QPRT: variants seen among roughly 807,000 people sequenced by gnomAD.
QPRT encodes nicotinate-nucleotide pyrophosphorylase [carboxylating].
In QPRT, 17 loss-of-function variants were observed where a neutral mutation model predicts 19.8. That is an observed-to-expected ratio of 0.86 (90% CI 0.59 to 1.29). QPRT has a LOEUF of 1.29. Ranked by LOEUF, QPRT falls within the 50% of genes most tolerant of loss-of-function variation. The pLI, the probability that QPRT is intolerant of heterozygous loss-of-function variation, is 0.00. For missense variants in QPRT, 336 were observed against 405.1 expected, an observed-to-expected ratio of 0.83 and a Z score of 1.46; for synonymous variants, 178 against 191.0, an observed-to-expected ratio of 0.93 and a Z score of 0.56.
At position 29,696,980 on chromosome 16, in the gene QPRT, C is replaced by A. The variant is rs775137678; in HGVS notation, c.550-16C>A. The A allele has an allele frequency of 1.3e-6, 2 of 1,587,752 alleles. No individual in the cohort carries two copies. The highest frequency in any genetic ancestry group is 3.4e-5 in the Admixed American group (2 of 58,340). ...TGGGCCCAGTCCTCACCCTTGTCCT[C>A]CCGGCTGCCCAGCAGGCGGTGCGGG... On this transcript the variant is annotated splice_polypyrimidine_tract_variant and intron_variant, in intron 2 of 3. Transcript: ENST00000395384.
chr16:29,694,061 T>G (rs1967434562), intron 1 of QPRT, among the ~76,000 whole-genome samples: 1 of 151,640 alleles, frequency 6.6e-6, no homozygotes, highest in Non-Finnish European at 1.5e-5. Flanking sequence ...GTGATCTGCC[T>G]GCCCCAGCCT....
At chr16:29,688,309 G>A (rs1567329600) in intron 1 of QPRT, among the ~76,000 whole-genome samples, 1 of 152,078 alleles carries the variant, frequency 6.6e-6, no homozygotes. Flanking sequence ...AGTGGAGAAT[G>A]AGGACCCCCA....
chr16:29,684,936 C>A (rs915801719), intron 1 of QPRT, among the ~76,000 whole-genome samples: 9 of 152,186 alleles, frequency 5.9e-5, no homozygotes, highest in Non-Finnish European at 7.4e-5. Flanking sequence ...CACGCCATGG[C>A]ACTCAGTGGG....
At chr16:29,695,825 G>C (rs1475736080) in intron 2 of QPRT, 1 of 148,034 alleles carries the variant, frequency 6.8e-6, no homozygotes, top group East Asian at 1.9e-4. Flanking sequence ...TTTGAGATGG[G>C]GTCTCACTAT....
intron 1 of QPRT, among the ~76,000 whole-genome samples, chr16:29,690,903 C>T (rs1156866447): frequency 6.6e-6 from 1 of 152,032 alleles, no homozygotes; most frequent in Admixed American, 6.6e-5. Context: ...GTTGGAGAGG[C>T]TGGTCTTGAA....
chr16:29,692,604 A>G (rs1380117363), intron 1 of QPRT, among the ~76,000 whole-genome samples: 4 of 151,754 alleles, frequency 2.6e-5, no homozygotes, highest in Admixed American at 6.6e-5. Context: ...GTAGGTGTAT[A>G]TATTTATGGG....
At chr16:29,691,340 G>A (rs1047631998) in intron 1 of QPRT, among the ~76,000 whole-genome samples, 1 of 130,680 alleles carries the variant, frequency 7.7e-6, no homozygotes, top group Non-Finnish European at 1.5e-5. Context: ...ACTCCAGCCT[G>A]GGCAAAAGAG....
chr16:29,684,487 G>A (rs1297354227), intron 1 of QPRT, among the ~76,000 whole-genome samples: 1 of 151,956 alleles, frequency 6.6e-6, no homozygotes, highest in African/African-American at 2.4e-5. Context: ...GTAGAGACGG[G>A]GTTTTGCTAT....
At chr16:29,683,026 T>A (rs756617575) in intron 1 of QPRT, among the ~76,000 whole-genome samples, 2 of 151,190 alleles carry the variant, frequency 1.3e-5, no homozygotes, top group Non-Finnish European at 2.9e-5. Context: ...CCTGACTGAT[T>A]CTTTTTTTTT....
intron 1 of QPRT, among the ~76,000 whole-genome samples, chr16:29,689,645 A>G (rs1364223514): frequency 6.6e-6 from 1 of 152,096 alleles, no homozygotes; most frequent in African/African-American, 2.4e-5. Context: ...AAGGAACCAG[A>G]CCCGAAATCA....
chr16:29,692,007 G>A (rs998645745), intron 1 of QPRT, among the ~76,000 whole-genome samples: 1 of 152,188 alleles, frequency 6.6e-6, no homozygotes, highest in Non-Finnish European at 1.5e-5. Flanking sequence ...TGCTGTGTGC[G>A]CGTGCTTGTG....
rs776963784 is a variant in QPRT at position 29,694,709 on chromosome 16, A to G, written c.59A>G (p.Asp20Gly). ...LPPVTLAALV[D>G]SWLREDCPGL... is the part of the protein sequence containing the mutation. Reference sequence around the variant, plus strand: ...CCCGTCACCCTGGCAGCCCTGGTGGACAGCTGGCTCCGAGAGGACTGCCCA... The same window carrying G: ...CCCGTCACCCTGGCAGCCCTGGTGGGCAGCTGGCTCCGAGAGGACTGCCCA... The change falls in exon 2 of 4, where the codon GAC becomes GGC. Residue 20 changes from aspartate to glycine, a missense_variant. Coordinates refer to ENST00000395384, the MANE Select transcript of QPRT (RefSeq NM_014298.6). 6.4e-7 allele frequency: 1 copy of G among 1,571,612 alleles called. No homozygotes were observed. The highest frequency in any genetic ancestry group is 2.3e-5 in the East Asian group (1 of 44,408).
Position 29,697,063 on chromosome 16 carries a change from A to G in QPRT, c.617A>G (p.Gln206Arg). 5.0e-6 allele frequency: 8 copies of G among 1,611,974 alleles called. No individual in the cohort carries two copies. Among genetic ancestry groups the G allele is most frequent in the Non-Finnish European group, 6.8e-6 (8 of 1,179,256 alleles). ...GTGGAAGTGGAATGCAGCAGCCTGC[A>G]GGAGGCCGTGCAGGCAGCTGAGGCT... ...LKVEVECSSL[Q>R]EAVQAAEAGA... is the part of the protein sequence containing the mutation. Residue 206 changes from glutamine to arginine, a missense_variant, in exon 3 of 4, where the codon CAG becomes CGG. By Grantham distance (43) the Gln-to-Arg change is conservative. Transcript: ENST00000395384. This position sits in a 1 kb window ranked among gnomAD's most constrained non-coding sequence, Gnocchi z 4.4.
At chr16:29,690,108 A>G (rs144258035) in intron 1 of QPRT, among the ~76,000 whole-genome samples, 2,430 of 151,682 alleles carry the variant, frequency 0.016, 32 homozygotes, top group Non-Finnish European at 0.025. Flanking sequence ...GCTCCCACTT[A>G]TAAGTGAGAA....
At chr16:29,685,107 C>T (rs1967124187) in intron 1 of QPRT, among the ~76,000 whole-genome samples, 1 of 152,234 alleles carries the variant, frequency 6.6e-6, no homozygotes, top group African/African-American at 2.4e-5. Context: ...GCCCTCAAAT[C>T]TACCCCAGAG....
chr16:29,688,762 T>A (rs1041416551), intron 1 of QPRT, among the ~76,000 whole-genome samples: 8 of 150,882 alleles, frequency 5.3e-5, no homozygotes, highest in Non-Finnish European at 1.0e-4. Context: ...TCAGGCTAAT[T>A]TTTTGTTTGT....
chr16:29,694,640 A>G, intron 1 of QPRT, 24 bp from the exon 2 acceptor site: 2 of 1,513,454 alleles, frequency 1.3e-6, no homozygotes, highest in Non-Finnish European at 1.8e-6. Flanking sequence ...GCCAAACTCA[A>G]CAGCTGTTCT....
At position 29,695,115 on chromosome 16, in the gene QPRT, C is replaced by G. The variant is rs755104518; in HGVS notation, c.465C>G (p.Gly155=). The G allele has an allele frequency of 6.3e-7, 1 of 1,597,478 alleles. No individual in the cohort carries two copies. The highest frequency in any genetic ancestry group is 1.1e-5 in the South Asian group (1 of 89,172). The part of the protein sequence containing the change: ...RLVEKYGLLV[G]GAASHRYDLG... ...TGGAGAAGTATGGGCTCCTGGTGGG[C>G]GGGGCCGCCTCGCACCGCTACGACC... Residue 155 remains glycine (G), a synonymous_variant, in exon 2 of 4, where the codon GGC becomes GGG. Transcript: ENST00000395384.
rs757852504 is a variant in QPRT at position 29,695,026 on chromosome 16, AG to A, written c.382del (p.Ala128ProfsTer41). ...SAAAAAVEAA[R>X]GAGWTGHVAG... Reference sequence around the variant, plus strand: ...TGCCGCCGCTGCAGTGGAGGCCGCCAGGGGGGCCGGCTGGACTGGGCACGTG... The same window carrying A: ...TGCCGCCGCTGCAGTGGAGGCCGCCAGGGGGCCGGCTGGACTGGGCACGTG... On this transcript the variant is annotated frameshift_variant, in exon 2 of 4. Coordinates refer to ENST00000395384, the MANE Select transcript of QPRT (RefSeq NM_014298.6). LOFTEE classifies it high-confidence loss of function. 1.2e-6 allele frequency: 2 copies of A among 1,604,870 alleles called. No homozygotes were observed. The highest frequency in any genetic ancestry group is 1.3e-5 in the African/African-American group (1 of 74,888).
Sources: allele counts gnomAD v4.1 joint callset (sites outside exome capture counted in the v4.1 genomes callset), GRCh38; gene constraint gnomAD v4.1.1; non-coding constraint Gnocchi (gnomAD v3.1); transcripts MANE v1.5; gene names NCBI Gene and HGNC (gene_info 2026-07-23, HGNC 2026-07-21).